The following RAP1GAP variants were observed in gnomAD, a reference collection of about 807,000 sequenced individuals.
The protein encoded by RAP1GAP is RAP1 GTPase activating protein.
In RAP1GAP, 35 loss-of-function variants were observed where a neutral mutation model predicts 87.2. That is an observed-to-expected ratio of 0.40 (90% CI 0.31 to 0.53). The LOEUF (loss-of-function observed/expected upper bound fraction) is 0.53. Ranked by LOEUF, RAP1GAP falls within the 20% of genes least tolerant of loss-of-function variation. RAP1GAP has a pLI of 0.48. For missense variants in RAP1GAP, 734 were observed against 898.9 expected, an observed-to-expected ratio of 0.82 and a Z score of 2.35; for synonymous variants, 375 against 363.9, an observed-to-expected ratio of 1.03 and a Z score of -0.35.
chr1:21,633,464 G>A (rs72660339), intron 2 of RAP1GAP, among the ~76,000 whole-genome samples: 16,161 of 152,204 alleles, frequency 0.11, 1,132 homozygotes, highest in East Asian at 0.24. Context: ...AACTCAACCA[G>A]GTGAAACTCT....
intron 1 of RAP1GAP, among the ~76,000 whole-genome samples, chr1:21,655,017 G>C (rs768596104): frequency 7.9e-5 from 12 of 151,854 alleles, no homozygotes; most frequent in Non-Finnish European, 1.6e-4. Flanking sequence ...GTTGGCACCT[G>C]TAGTCCCAGC....
intron 6 of RAP1GAP, 87 bp downstream of exon 6, chr1:21,617,845 TCC>T: frequency 6.4e-7 from 1 of 1,562,406 alleles, no homozygotes; most frequent in Non-Finnish European, 8.8e-7. Context: ...CAGGTCAGGC[TCC>T]TAAGGAGGAG....
chr1:21,634,705 TC>T lies in RAP1GAP; in HGVS notation c.-112-8309del. On this transcript the variant is annotated intron_variant, in intron 2 of 24. Coordinates refer to ENST00000374765, the MANE Select transcript of RAP1GAP (RefSeq NM_002885.4). This position sits in a 1 kb window ranked among gnomAD's most constrained non-coding sequence, Gnocchi z 4.1. The stretch of plus-strand genomic sequence containing the variant: ...ACAGGTTGGCAGCCTAGAGAGGTGG[TC>T]ACGGGACCGGTCCCTGCCCAGGGCA... The T allele has an allele frequency of 2.5e-6, 1 of 400,630 alleles. No individual in the cohort carries two copies. The highest frequency in any genetic ancestry group is 5.2e-6 in the Non-Finnish European group (1 of 192,714). The allele number at this position is 400,630 out of a possible 1,614,324, so 24.8% of individuals were successfully genotyped here.
intron 2 of RAP1GAP, among the ~76,000 whole-genome samples, chr1:21,640,806 T>TG (rs2095449510): frequency 6.6e-6 from 1 of 152,188 alleles, no homozygotes; most frequent in Admixed American, 6.5e-5. Flanking sequence ...CCCAGCCTCC[T>TG]GCCTGCACAG....
At chr1:21,637,145 CTTTTTTTTTTTTT>C (rs869047762) in intron 2 of RAP1GAP, among the ~76,000 whole-genome samples, 1 of 128,508 alleles carries the variant, frequency 7.8e-6, no homozygotes, top group Non-Finnish European at 1.7e-5. Context: ...TCTTTTTTTT[CTTTTTTTTTTTTT>C]TTTTTGGTGG....
At chr1:21,610,673 T>C (rs1267700304) in intron 13 of RAP1GAP, among the ~76,000 whole-genome samples, 2 of 152,196 alleles carry the variant, frequency 1.3e-5, no homozygotes, top group African/African-American at 4.8e-5. Context: ...TATAATGAGC[T>C]TGGGGACTCG....
In RAP1GAP at chr1:21,634,062, G is replaced by C. The variant is rs977094954; in HGVS notation, c.-112-7665C>G. On this transcript the variant is annotated intron_variant, in intron 2 of 24. Transcript: ENST00000374765. The surrounding 1 kb of genome is among the most constrained non-coding windows in gnomAD (Gnocchi z 4.1). ...TGCCCCAGAACTGCCCCCTCCCGGG[G>C]GGGGGGGGGGGCCACAGAAGCCCAT... Among the ~76,000 whole-genome samples the C allele has an allele frequency of 4.4e-3, 39 of 8,826 alleles. 1 individual carries two copies. The highest frequency in any genetic ancestry group is 0.013 in the Non-Finnish European group (16 of 1,274). 5.8% of individuals were successfully genotyped at this position (8,826 alleles called of 152,430 possible).
intron 1 of RAP1GAP, among the ~76,000 whole-genome samples, chr1:21,659,573 C>G: frequency 6.6e-6 from 1 of 152,216 alleles, no homozygotes; most frequent in Non-Finnish European, 1.5e-5. Flanking sequence ...CCCGTTCTCT[C>G]GGTGCGCAGA....
chr1:21,601,901 T>C (rs2148705726), intron 19 of RAP1GAP, 104 bp from the exon 20 acceptor site: 3 of 745,436 alleles, frequency 4.0e-6, no homozygotes, highest in South Asian at 3.7e-5. Context: ...TCCTGCCTCA[T>C]ACCCACGCCC....
Position 21,608,901 on chromosome 1 carries a change from C to A in RAP1GAP, c.1107G>T (p.Leu369=). The A allele has an allele frequency of 6.2e-7, 1 of 1,614,116 alleles. No individual in the cohort carries two copies. Among genetic ancestry groups the A allele is most frequent in the South Asian group, 1.1e-5 (1 of 91,076 alleles). Residue 369 remains leucine (L), a synonymous_variant, in exon 16 of 25, where the codon CTG becomes CTT. Transcript: ENST00000374765. ...TGTAGCAGGCATATTCAGCATTGAT[C>A]AGCTTTGTCAGCAAAAATTCCTGGA... ...PEFQEFLLTK[L]INAEYACYKA...
intron 19 of RAP1GAP, 45 bp downstream of exon 19, chr1:21,602,759 G>A (rs778171486): frequency 5.3e-6 from 8 of 1,523,422 alleles, no homozygotes; most frequent in Non-Finnish European, 7.2e-6. Context: ...TGGGGCTCAG[G>A]GATGGGGATG....
At chr1:21,649,449 A>T (rs2096380168) in intron 2 of RAP1GAP, among the ~76,000 whole-genome samples, 1 of 152,202 alleles carries the variant, frequency 6.6e-6, no homozygotes, top group South Asian at 2.1e-4. Flanking sequence ...TTTTTACCTT[A>T]CACCCTATGA....
At position 21,613,318 on chromosome 1, in the gene RAP1GAP, G is replaced by T; in HGVS notation, c.475-89C>A. ...TGGGCCTCCCTGGTCAAGGTCTGGG[G>T]AGGAGCCATGCTGGGAATGGCCAAG... On this transcript the variant is annotated intron_variant, in intron 9 of 24. Coordinates refer to ENST00000374765, the MANE Select transcript of RAP1GAP (RefSeq NM_002885.4). The surrounding 1 kb of genome is among the most constrained non-coding windows in gnomAD (Gnocchi z 4.7). 8.1e-7 allele frequency: 1 copy of T among 1,236,118 alleles called. No homozygotes were observed. The highest frequency in any genetic ancestry group is 1.9e-4 in the Middle Eastern group (1 of 5,202). 76.6% of individuals were successfully genotyped at this position (1,236,118 alleles called of 1,614,324 possible).
At chr1:21,656,176 T>C (rs1424364514) in intron 1 of RAP1GAP, among the ~76,000 whole-genome samples, 2 of 152,152 alleles carry the variant, frequency 1.3e-5, no homozygotes, top group Non-Finnish European at 2.9e-5. Context: ...CTCACGCCTG[T>C]GATCCCAGCA....
At chr1:21,606,247 C>T (rs750659847) in intron 17 of RAP1GAP, 50 bp from the exon 18 acceptor site, 7 of 1,541,074 alleles carry the variant, frequency 4.5e-6, no homozygotes, top group African/African-American at 2.7e-5. Flanking sequence ...AAGGGCCGTC[C>T]CCTTGGGGAA....
At chr1:21,599,173 C>T (rs373285194) in intron 21 of RAP1GAP, among the ~76,000 whole-genome samples, 13 of 152,160 alleles carry the variant, frequency 8.5e-5, no homozygotes, top group Admixed American at 5.9e-4. Flanking sequence ...GCGCAAAGGG[C>T]CAGGGGTGCA....
At chr1:21,653,562 T>G (rs1245959689) in intron 1 of RAP1GAP, among the ~76,000 whole-genome samples, 1 of 124,100 alleles carries the variant, frequency 8.1e-6, no homozygotes, top group African/African-American at 2.9e-5. Context: ...CTTCCTTCCT[T>G]CCTTCCTTCC....
chr1:21,616,188 C>T (rs867444839), intron 7 of RAP1GAP, among the ~76,000 whole-genome samples: 16 of 105,822 alleles, frequency 1.5e-4, no homozygotes, highest in Middle Eastern at 5.4e-3. Context: ...CACACACACA[C>T]ACATACAATG....
rs1402382279 is a variant in RAP1GAP, at chr1:21,613,480, T to C, written c.474+148A>G. The C allele has an allele frequency of 2.1e-5, 17 of 827,754 alleles. No homozygotes were observed. Among genetic ancestry groups the C allele is most frequent in the Non-Finnish European group, 3.0e-5 (15 of 502,054 alleles). The allele number at this position is 827,754 out of a possible 1,614,324, so 51.3% of individuals were successfully genotyped here. On this transcript the variant is annotated intron_variant, in intron 9 of 24. Coordinates refer to ENST00000374765, the MANE Select transcript of RAP1GAP (RefSeq NM_002885.4). This position sits in a 1 kb window ranked among gnomAD's most constrained non-coding sequence, Gnocchi z 4.7. ...GAACACGTGGCAGCCCAAGACACGA[T>C]GGGAACAAGTGAGAGACAGCCTCAG... is the stretch of plus-strand genomic sequence containing the variant.
Sources: gnomAD v4.1 joint callset for allele counts (sites outside exome capture counted in the v4.1 genomes callset) on GRCh38, gnomAD v4.1.1 for gene constraint, Gnocchi (gnomAD v3.1) non-coding constraint, MANE v1.5 for transcripts, NCBI Gene and HGNC (gene_info 2026-07-23, HGNC 2026-07-21) for gene names.